The following PIEZO2 variants were observed in gnomAD, a reference collection of about 807,000 sequenced individuals.
The protein encoded by PIEZO2 is piezo type mechanosensitive ion channel component 2.
In PIEZO2, 172 loss-of-function variants were observed where a neutral mutation model predicts 337.3. That is an observed-to-expected ratio of 0.51 (90% CI 0.45 to 0.58). The LOEUF (loss-of-function observed/expected upper bound fraction) is 0.58. Ranked by LOEUF, PIEZO2 falls within the 20% of genes least tolerant of loss-of-function variation. The pLI, the probability that PIEZO2 is intolerant of heterozygous loss-of-function variation, is 0.00. For missense variants in PIEZO2, 3,028 were observed against 3,391.3 expected (o/e 0.89, Z 2.66); for synonymous variants, 1,251 against 1,228.5 (o/e 1.02, Z -0.38).
In PIEZO2 at chr18:11,070,630, T is replaced by A. The variant is rs994727770; in HGVS notation, c.65-4408A>T. ...GTCCACTGCAAAAGGGAGACTAGAC[T>A]GTCGTGACTGCCGGTAAGGATGTCC... On this transcript the variant is annotated intron_variant, in intron 1 of 55. Coordinates refer to ENST00000674853, the MANE Select transcript of PIEZO2 (RefSeq NM_001378183.1). This position sits in a 1 kb window ranked among gnomAD's most constrained non-coding sequence, Gnocchi z 4.3. Among the ~76,000 whole-genome samples, 8 of 152,312 alleles carry A rather than the reference T, an allele frequency of 5.3e-5. No homozygotes were observed. The highest frequency in any genetic ancestry group is 1.9e-4 in the African/African-American group (8 of 41,576).
At chr18:10,803,784 T>C (rs902207282) in intron 9 of PIEZO2, 91 bp downstream of exon 9, 3 of 1,418,918 alleles carry the variant, frequency 2.1e-6, no homozygotes, top group South Asian at 2.9e-5. Flanking sequence ...GAATATGATA[T>C]GATATATATG....
At position 11,010,608 on chromosome 18, in the gene PIEZO2, TTTTG is replaced by T. The variant is rs553829106; in HGVS notation, c.161-30952_161-30949del. 3.3e-3 allele frequency among the ~76,000 whole-genome samples: 499 copies of T among 152,280 alleles called. 1 individual carries two copies. The highest frequency in any genetic ancestry group is 0.011 in the African/African-American group (467 of 41,540). ...TCCTTATTTATTCTCTAGTCCTGTT[TTTTG>T]TTTGTTTGTTTGTTTGTTTGCTTTG... On this transcript the variant is annotated intron_variant, in intron 2 of 55. Coordinates refer to ENST00000674853, the MANE Select transcript of PIEZO2 (RefSeq NM_001378183.1).
chr18:10,709,268 G>A (rs1420222045), intron 39 of PIEZO2: 1 of 152,254 alleles, frequency 6.6e-6, no homozygotes, highest in Non-Finnish European at 1.5e-5. Flanking sequence ...ACTGGCGAGG[G>A]AAGATGGCAG....
intron 18 of PIEZO2, among the ~76,000 whole-genome samples, chr18:10,776,403 G>A (rs1444117652): frequency 1.3e-5 from 2 of 152,156 alleles, no homozygotes; most frequent in Non-Finnish European, 2.9e-5. Context: ...ATATATTATG[G>A]TTTGATAATC....
At chr18:10,891,523 G>A (rs1036598108) in intron 4 of PIEZO2, among the ~76,000 whole-genome samples, 3 of 152,110 alleles carry the variant, frequency 2.0e-5, no homozygotes, top group Non-Finnish European at 2.9e-5. Context: ...ATGATGTACC[G>A]CTTGATGCAG....
chr18:10,860,126 GCTATTATAGGAGT>G (rs1404575923), intron 5 of PIEZO2, among the ~76,000 whole-genome samples: 1 of 152,180 alleles, frequency 6.6e-6, no homozygotes, highest in African/African-American at 2.4e-5. Flanking sequence ...CCAGTAGGCA[GCTATTATAGGAGT>G]CTGGAGTGTT....
Position 11,129,790 on chromosome 18 carries a change from T to C in PIEZO2, c.64+18735A>G, listed in dbSNP as rs2040288798. On this transcript the variant is annotated intron_variant, in intron 1 of 55. Coordinates refer to ENST00000674853, the MANE Select transcript of PIEZO2 (RefSeq NM_001378183.1). This position sits in a 1 kb window ranked among gnomAD's most constrained non-coding sequence, Gnocchi z 4.6. ...GCTCTGGCTCTGAGCTGACGTTGGA[T>C]CCAGGGGACCCAAAATGTCATCGTG... Among the ~76,000 whole-genome samples the C allele has an allele frequency of 6.6e-6, 1 of 152,138 alleles. No homozygotes were observed. The highest frequency in any genetic ancestry group is 1.9e-4 in the East Asian group (1 of 5,190).
At chr18:10,867,987 G>T (rs1179808903) in intron 5 of PIEZO2, among the ~76,000 whole-genome samples, 4 of 152,204 alleles carry the variant, frequency 2.6e-5, no homozygotes, top group African/African-American at 9.6e-5. Flanking sequence ...AAATGCAGGA[G>T]CAAGGCACAG....
In PIEZO2 at chr18:11,149,417, C is replaced by T. The variant is rs2040897309; in HGVS notation, c.-829G>A. On this transcript the variant is annotated 5_prime_UTR_variant, in exon 1 of 56. Coordinates refer to ENST00000674853, the MANE Select transcript of PIEZO2 (RefSeq NM_001378183.1). This position sits in a 1 kb window ranked among gnomAD's most constrained non-coding sequence, Gnocchi z 8.7. ...CAGAGCGCATATCGGGTGAGTGGGT[C>T]TCCCACTCCCTCCTCCACCGCCTCA... Among the ~76,000 whole-genome samples the T allele has an allele frequency of 6.6e-6, 1 of 152,048 alleles. No homozygotes were observed. The highest frequency in any genetic ancestry group is 1.5e-5 in the Non-Finnish European group (1 of 67,984).
chr18:11,116,958 A>G lies in PIEZO2; in HGVS notation c.64+31567T>C, dbSNP rs911110164. Among the ~76,000 whole-genome samples, 4 of 151,872 alleles carry G rather than the reference A, an allele frequency of 2.6e-5. No individual in the cohort carries two copies. Among genetic ancestry groups the G allele is most frequent in the African/African-American group, 9.7e-5 (4 of 41,334 alleles). On this transcript the variant is annotated intron_variant, in intron 1 of 55. Coordinates refer to ENST00000674853, the MANE Select transcript of PIEZO2 (RefSeq NM_001378183.1). The surrounding 1 kb of genome is among the most constrained non-coding windows in gnomAD (Gnocchi z 5.0). The stretch of plus-strand genomic sequence containing the variant: ...ACCCTGTCTCTACTAAAAATATAAA[A>G]ATTAGCCTGGCTTGGTGGCACGTGC...
At chr18:10,946,568 T>G (rs947264431) in intron 3 of PIEZO2, among the ~76,000 whole-genome samples, 1 of 152,098 alleles carries the variant, frequency 6.6e-6, no homozygotes, top group South Asian at 2.1e-4. Context: ...CAATAGTCAC[T>G]AAGACAGTGT....
chr18:11,088,714 G>C (rs2038982725), intron 1 of PIEZO2, among the ~76,000 whole-genome samples: 2 of 152,120 alleles, frequency 1.3e-5, no homozygotes, highest in Admixed American at 6.5e-5. Context: ...AGAACCACAG[G>C]GTTATCAACG....
chr18:10,996,099 T>C (rs1026421820), intron 2 of PIEZO2, among the ~76,000 whole-genome samples: 5 of 152,174 alleles, frequency 3.3e-5, no homozygotes, highest in Non-Finnish European at 5.9e-5. Flanking sequence ...CTTAATAAAA[T>C]TGAATTTTAT....
chr18:11,004,001 T>C (rs74748916), intron 2 of PIEZO2, among the ~76,000 whole-genome samples: 2,184 of 152,278 alleles, frequency 0.014, 57 homozygotes, highest in African/African-American at 0.05. Flanking sequence ...CCTAAACAAA[T>C]GATGGTTTCC....
At chr18:11,011,397 T>C (rs924649395) in intron 2 of PIEZO2, among the ~76,000 whole-genome samples, 1 of 152,214 alleles carries the variant, frequency 6.6e-6, no homozygotes, top group Admixed American at 6.5e-5. Context: ...TTGACTTTTA[T>C]CTCTTATGTA....
At position 10,813,738 on chromosome 18, in the gene PIEZO2, T is replaced by C. The variant is rs2040268636; in HGVS notation, c.918-6464A>G. Among the ~76,000 whole-genome samples the C allele has an allele frequency of 6.6e-6, 1 of 152,178 alleles. No homozygotes were observed. The highest frequency in any genetic ancestry group is 1.5e-5 in the Non-Finnish European group (1 of 68,044). On this transcript the variant is annotated intron_variant, in intron 7 of 55. Coordinates refer to ENST00000674853, the MANE Select transcript of PIEZO2 (RefSeq NM_001378183.1). The surrounding 1 kb of genome is among the most constrained non-coding windows in gnomAD (Gnocchi z 4.2). The stretch of plus-strand genomic sequence containing the variant: ...CTTCAAGACCCTGTTTTCAATTCTT[T>C]TCTATATATAGCCATAAGTGAAATT...
chr18:10,901,866 C>T (rs1254723801), intron 4 of PIEZO2, among the ~76,000 whole-genome samples: 1 of 151,872 alleles, frequency 6.6e-6, no homozygotes, highest in Non-Finnish European at 1.5e-5. Context: ...ATCACACTTC[C>T]ACCTCTTCTG....
intron 2 of PIEZO2, among the ~76,000 whole-genome samples, chr18:11,004,190 T>C (rs2035641408): frequency 6.6e-6 from 1 of 152,170 alleles, no homozygotes; most frequent in African/African-American, 2.4e-5. Context: ...CCCTGAGGAC[T>C]GTGAGGGGGT....
chr18:10,682,933 GT>G lies in PIEZO2; in HGVS notation c.7498-642del, dbSNP rs2034337576. ...CACCAGTAAGGCTGGGAGCACTTCTGTTTGCTTTAATATAGATTCATGAAGG... is the reference window on the plus strand; with the variant it reads ...CACCAGTAAGGCTGGGAGCACTTCTGTTGCTTTAATATAGATTCATGAAGG... On this transcript the variant is annotated intron_variant, in intron 49 of 55. Transcript: ENST00000674853. This position sits in a 1 kb window ranked among gnomAD's most constrained non-coding sequence, Gnocchi z 5.6. 6.6e-6 allele frequency among the ~76,000 whole-genome samples: 1 copy of G among 152,190 alleles called. No homozygotes were observed. The highest frequency in any genetic ancestry group is 1.5e-5 in the Non-Finnish European group (1 of 68,038).
Sources: allele counts gnomAD v4.1 joint callset (sites outside exome capture counted in the v4.1 genomes callset), GRCh38; gene constraint gnomAD v4.1.1; non-coding constraint Gnocchi (gnomAD v3.1); transcripts MANE v1.5; gene names NCBI Gene and HGNC (gene_info 2026-07-23, HGNC 2026-07-21).